NHSL1: variants seen among roughly 807,000 people sequenced by gnomAD.
NHSL1 encodes NHS like 1.
A neutral mutation model predicts 95.0 loss-of-function variants in NHSL1; 48 were observed. That is an observed-to-expected ratio of 0.51 (90% CI 0.40 to 0.64). The LOEUF is 0.64. Ranked by LOEUF, NHSL1 falls within the 30% of genes least tolerant of loss-of-function variation. The pLI, the probability that NHSL1 is intolerant of heterozygous loss-of-function variation, is 0.00. For synonymous variants in NHSL1, 783 were observed against 833.9 expected, an observed-to-expected ratio of 0.94 and a Z score of 1.05; for missense variants, 1,971 against 2,077.7, an observed-to-expected ratio of 0.95 and a Z score of 1.00.
chr6:138,507,746 T>C (rs1781031616), intron 1 of NHSL1, among the ~76,000 whole-genome samples: 1 of 152,210 alleles, frequency 6.6e-6, no homozygotes, highest in African/African-American at 2.4e-5. Flanking sequence ...TTCTAGAATC[T>C]CATGGGTACA....
At chr6:138,634,254 A>C (rs1784859216) in intron 1 of NHSL1, among the ~76,000 whole-genome samples, 1 of 152,170 alleles carries the variant, frequency 6.6e-6, no homozygotes, top group Admixed American at 6.5e-5. Flanking sequence ...TCCAATCAAA[A>C]GACAGAGAGC....
At chr6:138,602,070 G>A (rs1168118952) in intron 1 of NHSL1, among the ~76,000 whole-genome samples, 1 of 152,140 alleles carries the variant, frequency 6.6e-6, no homozygotes, top group Non-Finnish European at 1.5e-5. Context: ...ATGTGAAGAT[G>A]AAATATCAGG....
intron 3 of NHSL1, among the ~76,000 whole-genome samples, chr6:138,454,068 A>G (rs1410431522): frequency 3.3e-5 from 5 of 152,274 alleles, no homozygotes; most frequent in African/African-American, 1.2e-4. Context: ...TACTCAACCC[A>G]TGACCTAAAA....
At chr6:138,591,788 G>A (rs997277348) in intron 1 of NHSL1, among the ~76,000 whole-genome samples, 7 of 152,226 alleles carry the variant, frequency 4.6e-5, no homozygotes, top group East Asian at 1.9e-4. Flanking sequence ...ATCTCCCACC[G>A]TCCTGCTCTG....
chr6:138,687,955 C>CT (rs71549004), intron 1 of NHSL1, among the ~76,000 whole-genome samples: 53 of 148,374 alleles, frequency 3.6e-4, no homozygotes, highest in Admixed American at 4.7e-4. Context: ...AAATTGTACA[C>CT]TTTTTTTTTT....
chr6:138,618,140 G>C (rs1475428850), intron 1 of NHSL1, among the ~76,000 whole-genome samples: 1 of 152,164 alleles, frequency 6.6e-6, no homozygotes, highest in Non-Finnish European at 1.5e-5. Context: ...AGGGAAAAAG[G>C]ATGCAAACAT....
At chr6:138,458,874 G>A (rs749814649) in intron 3 of NHSL1, among the ~76,000 whole-genome samples, 59 of 150,796 alleles carry the variant, frequency 3.9e-4, no homozygotes, top group South Asian at 4.2e-4. Flanking sequence ...ATCTACTCAC[G>A]TTTTTATTGG....
chr6:138,480,657 C>T (rs1779364296), intron 2 of NHSL1, among the ~76,000 whole-genome samples: 1 of 152,098 alleles, frequency 6.6e-6, no homozygotes, highest in African/African-American at 2.4e-5. Flanking sequence ...TTTTTAATAG[C>T]ATTGAATCTT....
chr6:138,527,373 C>A (rs1367131291), intron 1 of NHSL1, among the ~76,000 whole-genome samples: 1 of 151,968 alleles, frequency 6.6e-6, no homozygotes, highest in Non-Finnish European at 1.5e-5. Context: ...GCAAAAGTGC[C>A]CCCTGCCCCA....
At chr6:138,473,160 G>A (rs7761776) in intron 3 of NHSL1, 146 bp downstream of exon 3, 132,302 of 617,934 alleles carry the variant, frequency 0.21, 15,412 homozygotes, top group East Asian at 0.37. Context: ...TAATTATGGC[G>A]CATTTGTCAA....
At position 138,422,183 on chromosome 6, in the gene NHSL1, T is replaced by G. The variant is rs573370932; in HGVS notation, c.*1898A>C. The G allele has an allele frequency of 6.6e-6, 1 of 152,362 alleles. No homozygotes were observed. The highest frequency in any genetic ancestry group is 1.9e-4 in the East Asian group (1 of 5,186). 9.4% of individuals were successfully genotyped at this position (152,362 alleles called of 1,614,324 possible). ...TGCATAAATTATGTATTATTAAAGG[T>G]TTCTGATATCCATATACATTCTAGT... On this transcript the variant is annotated 3_prime_UTR_variant, in exon 8 of 8. Coordinates refer to ENST00000343505, the MANE Select transcript of NHSL1 (RefSeq NM_001144060.2).
chr6:138,444,544 C>T (rs963506427), intron 4 of NHSL1, among the ~76,000 whole-genome samples: 2 of 151,684 alleles, frequency 1.3e-5, no homozygotes, highest in Non-Finnish European at 2.9e-5. Flanking sequence ...TACCTCTATG[C>T]ATGGTGGGCT....
At chr6:138,600,471 AG>A (rs2114558272) in intron 1 of NHSL1, among the ~76,000 whole-genome samples, 1 of 152,354 alleles carries the variant, frequency 6.6e-6, no homozygotes, top group South Asian at 2.1e-4. Flanking sequence ...ATTAAACTTT[AG>A]GTTACTGAGT....
chr6:138,487,595 C>T (rs1779804602), intron 2 of NHSL1, among the ~76,000 whole-genome samples: 1 of 152,036 alleles, frequency 6.6e-6, no homozygotes, highest in Non-Finnish European at 1.5e-5. Context: ...CACATATTAC[C>T]CTTAAACAGT....
At chr6:138,453,665 GCC>G (rs1257033356) in intron 3 of NHSL1, among the ~76,000 whole-genome samples, 1 of 151,926 alleles carries the variant, frequency 6.6e-6, no homozygotes, top group East Asian at 1.9e-4. Flanking sequence ...TCCCACCTCA[GCC>G]TCCCGAGTAA....
upstream of NHSL1, among the ~76,000 whole-genome samples, chr6:138,503,250 TCTCCTGCATATGATGG>T (rs1472752513): frequency 6.6e-6 from 1 of 152,140 alleles, no homozygotes; most frequent in African/African-American, 2.4e-5. Flanking sequence ...CACTAGTTCC[TCTCCTGCATATGATGG>T]CTCCTTCTCC....
intron 1 of NHSL1, among the ~76,000 whole-genome samples, chr6:138,498,760 A>C (rs1780504955): frequency 6.6e-6 from 1 of 152,208 alleles, no homozygotes; most frequent in African/African-American, 2.4e-5. Context: ...AAAGAGTGCC[A>C]GGGAGTTTCA....
chr6:138,672,769 A>G (rs528949665), intron 1 of NHSL1, among the ~76,000 whole-genome samples: 15 of 152,290 alleles, frequency 9.8e-5, no homozygotes, highest in Admixed American at 3.3e-4. Context: ...CTGTAATCTC[A>G]GCACTTTGGG....
intron 1 of NHSL1, among the ~76,000 whole-genome samples, chr6:138,586,618 A>T (rs1053032267): frequency 1.3e-5 from 2 of 152,246 alleles, no homozygotes; most frequent in African/African-American, 4.8e-5. Flanking sequence ...AATCTAATTT[A>T]CTTAACTAGG....
Sources: gnomAD v4.1 joint callset for allele counts (sites outside exome capture counted in the v4.1 genomes callset) on GRCh38, gnomAD v4.1.1 for gene constraint, MANE v1.5 for transcripts, NCBI Gene and HGNC (gene_info 2026-07-23, HGNC 2026-07-21) for gene names.